MEGF11: variants seen among roughly 807,000 people sequenced by gnomAD.
MEGF11 encodes the protein multiple epidermal growth factor-like domains protein 11.
In MEGF11, 126 loss-of-function variants were observed where a neutral mutation model predicts 146.6. The observed-to-expected ratio is 0.86, with a 90% CI of 0.74 to 1.00. The LOEUF is 1.00. MEGF11 is among the 50% of genes least tolerant of loss of function. The pLI is 0.00. For missense variants in MEGF11, 1,509 were observed against 1,521.2 expected, an observed-to-expected ratio of 0.99 and a Z score of 0.13; for synonymous variants, 532 against 583.4, an observed-to-expected ratio of 0.91 and a Z score of 1.27.
At chr15:65,983,600 TG>T (rs1468359289) in intron 5 of MEGF11, among the ~76,000 whole-genome samples, 4 of 152,144 alleles carry the variant, frequency 2.6e-5, no homozygotes, top group Admixed American at 2.6e-4. Flanking sequence ...CCATCTCAAG[TG>T]GGCTGTAAAG....
chr15:66,080,689 G>A (rs540603821), intron 5 of MEGF11, among the ~76,000 whole-genome samples: 3 of 152,338 alleles, frequency 2.0e-5, no homozygotes, highest in African/African-American at 7.2e-5. Context: ...ATTCCTTTTT[G>A]TTCAAAATTA....
chr15:66,137,452 G>A (rs188001498), intron 1 of MEGF11, among the ~76,000 whole-genome samples: 29 of 152,304 alleles, frequency 1.9e-4, no homozygotes, highest in Admixed American at 7.2e-4. Context: ...ACGGGCATAC[G>A]GTGTGCGTGT....
Position 66,128,294 on chromosome 15 carries a change from C to T in MEGF11, c.98+12G>A, listed in dbSNP as rs753713909. ...CCAGAGAGTGCCTGGCCATCTGAGG[C>T]CCACACCTTACCTCTCCCAGTGGCT... On this transcript the variant is annotated intron_variant, in intron 2 of 25. Transcript: ENST00000395614. The T allele has an allele frequency of 2.7e-6, 4 of 1,476,102 alleles. No individual in the cohort carries two copies. The highest frequency in any genetic ancestry group is 3.6e-6 in the Non-Finnish European group (4 of 1,110,082). The allele number at this position is 1,476,102 out of a possible 1,614,324, so 91.4% of individuals were successfully genotyped here. A position where few individuals can be genotyped will look rare whatever the true frequency, so the allele number is the denominator to read the frequency against.
rs557951692 is a variant in MEGF11 at position 66,220,846 on chromosome 15, G to A, written c.-9+32759C>T. On this transcript the variant is annotated intron_variant, in intron 1 of 25. Transcript: ENST00000395614. The stretch of plus-strand genomic sequence containing the variant: ...GCTACCATGCCCAGCCACAGGAGTC[G>A]CCAAGAGTTTTAAATCAGCAGTTCT... 9.4e-4 allele frequency among the ~76,000 whole-genome samples: 143 copies of A among 152,192 alleles called. 1 individual carries two copies. Among genetic ancestry groups the A allele is most frequent in the Admixed American group, 8.4e-3 (128 of 15,288 alleles).
At chr15:66,005,642 GA>G (rs1450794539) in intron 5 of MEGF11, among the ~76,000 whole-genome samples, 7 of 152,194 alleles carry the variant, frequency 4.6e-5, no homozygotes, top group Non-Finnish European at 1.5e-5. Flanking sequence ...GGTGGCTGGT[GA>G]CATTTGCAAG....
At chr15:65,992,852 C>T (rs539406810) in intron 5 of MEGF11, among the ~76,000 whole-genome samples, 1 of 152,296 alleles carries the variant, frequency 6.6e-6, no homozygotes, top group East Asian at 1.9e-4. Context: ...CAGGTGTGGC[C>T]AGGTGGCTTG....
Position 66,049,158 on chromosome 15 carries a change from C to T in MEGF11, c.394+45244G>A, listed in dbSNP as rs548645700. On this transcript the variant is annotated intron_variant, in intron 5 of 25. Coordinates refer to ENST00000395614, the MANE Select transcript of MEGF11 (RefSeq NM_001385028.1). ...GCCTTTGGAACTGGTTAAGTATTGG[C>T]TCCCAGATGGGCTATTATTTCCTGG... Among the ~76,000 whole-genome samples the T allele has an allele frequency of 9.2e-5, 14 of 152,242 alleles. No homozygotes were observed. The South Asian group carries it at 2.9e-3, about 32-fold the overall frequency.
intron 4 of MEGF11, among the ~76,000 whole-genome samples, chr15:66,100,832 ATGAG>A (rs1389168964): frequency 6.0e-5 from 6 of 99,880 alleles, no homozygotes; most frequent in South Asian, 3.9e-4. Context: ...CGGCACCTGA[ATGAG>A]TGAGTGAGCC....
rs534904208 is a variant in MEGF11, at chr15:66,123,571, G to C, written c.200+328C>G. Among the ~76,000 whole-genome samples the C allele has an allele frequency of 2.0e-5, 3 of 152,322 alleles. No individual in the cohort carries two copies. The South Asian group carries it at 6.2e-4, about 32-fold the overall frequency. ...TACGGCAACTGGGGTTCCATCACTG[G>C]AGACTTCTAGGATACATGTAGAACA... On this transcript the variant is annotated intron_variant, in intron 3 of 25. Transcript: ENST00000395614.
chr15:66,189,391 C>G (rs567763230), intron 1 of MEGF11, among the ~76,000 whole-genome samples: 1 of 152,272 alleles, frequency 6.6e-6, no homozygotes, highest in Admixed American at 6.5e-5. Context: ...CTTTACAGAG[C>G]ACCTGCTCAT....
At chr15:66,020,837 A>G (rs543680837) in intron 5 of MEGF11, among the ~76,000 whole-genome samples, 1 of 152,190 alleles carries the variant, frequency 6.6e-6, no homozygotes, top group Admixed American at 6.5e-5. Flanking sequence ...CTAAAAATAC[A>G]AAAAGTTAGC....
chr15:65,985,295 C>T (rs1423889021), intron 5 of MEGF11, among the ~76,000 whole-genome samples: 2 of 152,182 alleles, frequency 1.3e-5, no homozygotes, highest in Admixed American at 1.3e-4. Context: ...CTTTGGGACA[C>T]TTTCTGGAGG....
intron 1 of MEGF11, among the ~76,000 whole-genome samples, chr15:66,135,870 A>G (rs1555475186): frequency 6.6e-6 from 1 of 152,160 alleles, no homozygotes; most frequent in Non-Finnish European, 1.5e-5. Flanking sequence ...GACCCAGGAA[A>G]GGTTGCTTAA....
intron 5 of MEGF11, among the ~76,000 whole-genome samples, chr15:66,043,148 G>A (rs2084055352): frequency 6.6e-6 from 1 of 152,230 alleles, no homozygotes; most frequent in Non-Finnish European, 1.5e-5. Flanking sequence ...CATATTGAGA[G>A]CTCTTCGAGG....
intron 1 of MEGF11, among the ~76,000 whole-genome samples, chr15:66,192,380 G>C (rs1345976565): frequency 6.6e-6 from 1 of 151,762 alleles, no homozygotes; most frequent in African/African-American, 2.4e-5. Flanking sequence ...TGAGGCACGA[G>C]ACTCGTTTGA....
chr15:66,241,156 C>T (rs1210869417), intron 1 of MEGF11, among the ~76,000 whole-genome samples: 4 of 152,178 alleles, frequency 2.6e-5, no homozygotes, highest in Non-Finnish European at 4.4e-5. Flanking sequence ...AAATCTCCCC[C>T]GCAGCTGCTC....
chr15:66,087,908 A>G (rs555664357), intron 5 of MEGF11, among the ~76,000 whole-genome samples: 1 of 152,196 alleles, frequency 6.6e-6, no homozygotes, highest in Admixed American at 6.5e-5. Flanking sequence ...AAAGATAAAT[A>G]AAACTGACAG....
At chr15:66,162,666 A>AC (rs1354704992) in intron 1 of MEGF11, among the ~76,000 whole-genome samples, 3 of 152,222 alleles carry the variant, frequency 2.0e-5, no homozygotes, top group Non-Finnish European at 4.4e-5. Context: ...TGCCAAAGGC[A>AC]CGAAGTAGCC....
chr15:66,037,611 G>T (rs949338719), intron 5 of MEGF11, among the ~76,000 whole-genome samples: 4 of 152,134 alleles, frequency 2.6e-5, no homozygotes, highest in Non-Finnish European at 5.9e-5. Context: ...GTGGGGTGAG[G>T]GCAAGTGGGT....
Sources: allele counts gnomAD v4.1 joint callset (sites outside exome capture counted in the v4.1 genomes callset), GRCh38; gene constraint gnomAD v4.1.1; transcripts MANE v1.5; gene names NCBI Gene and HGNC (gene_info 2026-07-23, HGNC 2026-07-21).